The following ERC2 variants were observed in gnomAD, a reference collection of about 807,000 sequenced individuals.
The protein encoded by ERC2 is ELKS/RAB6-interacting/CAST family member 2.
A neutral mutation model predicts 114.8 loss-of-function variants in ERC2; 42 were observed. That is an observed-to-expected ratio of 0.37 (90% CI 0.29 to 0.47). The LOEUF (loss-of-function observed/expected upper bound fraction) is 0.47. ERC2 is among the 20% of genes least tolerant of loss of function. The probability of loss-of-function intolerance (pLI) is 0.99; values close to 1 mark genes in which losing one functional copy is unlikely to be tolerated. For missense variants in ERC2, 939 were observed against 1,150.7 expected, an observed-to-expected ratio of 0.82 and a Z score of 2.66; for synonymous variants, 454 against 425.5, an observed-to-expected ratio of 1.07 and a Z score of -0.82.
In ERC2 at chr3:56,434,441, C is replaced by G; in HGVS notation, c.567G>C (p.Glu189Asp). ...MNSIKTFWSP[E>D]LKKERVLRKE... ...TCCTCAAGACTCTCTCCTTCTTAAGCTCAGGACTCCAGAAAGTCTTAATAC... is the reference window on the plus strand; with the variant it reads ...TCCTCAAGACTCTCTCCTTCTTAAGGTCAGGACTCCAGAAAGTCTTAATAC... The change falls in exon 2 of 18, where the codon GAG becomes GAC. Residue 189 changes from glutamate to aspartate, a missense_variant. By Grantham distance (45) the Glu-to-Asp change is conservative. Transcript: ENST00000288221. 3 of 1,614,014 alleles carry G rather than the reference C, an allele frequency of 1.9e-6. No homozygotes were observed. The highest frequency in any genetic ancestry group is 2.5e-6 in the Non-Finnish European group (3 of 1,179,900).
intron 17 of ERC2, among the ~76,000 whole-genome samples, chr3:55,552,239 G>T (rs150811031): frequency 1.3e-5 from 2 of 152,086 alleles, no homozygotes; most frequent in South Asian, 2.1e-4. Context: ...CCCCAGCCAC[G>T]TCTGTTTATA....
intron 6 of ERC2, among the ~76,000 whole-genome samples, chr3:56,094,076 T>C (rs913046982): frequency 5.3e-5 from 8 of 152,198 alleles, no homozygotes; most frequent in African/African-American, 1.9e-4. Flanking sequence ...CACATCTATT[T>C]TTTCCCACCG....
intron 6 of ERC2, among the ~76,000 whole-genome samples, chr3:56,096,353 T>C (rs1389889962): frequency 6.6e-6 from 1 of 152,174 alleles, no homozygotes; most frequent in African/African-American, 2.4e-5. Context: ...CTCAGCATTT[T>C]TGAGACAGGG....
At chr3:56,372,692 C>T (rs1218253058) in intron 2 of ERC2, among the ~76,000 whole-genome samples, 2 of 152,028 alleles carry the variant, frequency 1.3e-5, no homozygotes, top group Non-Finnish European at 2.9e-5. Flanking sequence ...CACACCACTG[C>T]ACACCAGCCT....
intron 13 of ERC2, among the ~76,000 whole-genome samples, chr3:55,922,301 T>C (rs1156229401): frequency 6.6e-6 from 1 of 151,906 alleles, no homozygotes; most frequent in Non-Finnish European, 1.5e-5. Context: ...ATCATAAAGA[T>C]AGTAATTATG....
At chr3:55,930,320 A>C (rs941364314) in intron 13 of ERC2, among the ~76,000 whole-genome samples, 2 of 152,236 alleles carry the variant, frequency 1.3e-5, no homozygotes, top group Non-Finnish European at 2.9e-5. Flanking sequence ...AGACTAATAC[A>C]GAAAGTAAGG....
intron 17 of ERC2, among the ~76,000 whole-genome samples, chr3:55,582,013 C>G (rs1475731043): frequency 6.6e-6 from 1 of 152,212 alleles, no homozygotes; most frequent in African/African-American, 2.4e-5. Context: ...CAGTTATACA[C>G]AGGCTCTCAT....
At chr3:56,112,468 T>C (rs28488027) in intron 6 of ERC2, among the ~76,000 whole-genome samples, 2,017 of 140,178 alleles carry the variant, frequency 0.014, 35 homozygotes, top group African/African-American at 0.033. Flanking sequence ...CACACACACA[T>C]TGGCACACAC....
chr3:55,773,264 C>T (rs2068357611), intron 14 of ERC2, among the ~76,000 whole-genome samples: 1 of 152,202 alleles, frequency 6.6e-6, no homozygotes, highest in Non-Finnish European at 1.5e-5. Context: ...ACCTTAGGGC[C>T]TTTGCACTGG....
intron 3 of ERC2, among the ~76,000 whole-genome samples, chr3:56,254,477 T>G (rs909069228): frequency 6.6e-6 from 1 of 152,172 alleles, no homozygotes; most frequent in South Asian, 2.1e-4. Context: ...GATTCACTGT[T>G]AAGGAGGAGG....
chr3:55,952,032 G>A (rs529241968), intron 12 of ERC2, among the ~76,000 whole-genome samples: 8 of 150,810 alleles, frequency 5.3e-5, no homozygotes, highest in Non-Finnish European at 1.0e-4. Flanking sequence ...AGGGTGCAGC[G>A]GCTCATGCCT....
At chr3:56,411,204 G>GA (rs1263424390) in intron 2 of ERC2, among the ~76,000 whole-genome samples, 4 of 150,670 alleles carry the variant, frequency 2.7e-5, no homozygotes, top group Non-Finnish European at 3.0e-5. Context: ...AGAGGAAAGA[G>GA]AAAAAAAACT....
chr3:55,738,336 A>T (rs1314124580), intron 14 of ERC2, among the ~76,000 whole-genome samples: 1 of 152,194 alleles, frequency 6.6e-6, no homozygotes, highest in Non-Finnish European at 1.5e-5. Flanking sequence ...AGGTGACAGG[A>T]TGAATAAGAC....
intron 17 of ERC2, among the ~76,000 whole-genome samples, chr3:55,649,258 ATTTT>A (rs56806592): frequency 6.7e-5 from 8 of 119,194 alleles, no homozygotes; most frequent in Non-Finnish European, 7.2e-5. Context: ...CCAACGCTGA[ATTTT>A]TTTTTTTTTT....
At chr3:55,962,808 A>G (rs2149470595) in intron 12 of ERC2, among the ~76,000 whole-genome samples, 1 of 152,356 alleles carries the variant, frequency 6.6e-6, no homozygotes, top group South Asian at 2.1e-4. Context: ...ATGCTATGCC[A>G]ACCAACTGTG....
intron 17 of ERC2, among the ~76,000 whole-genome samples, chr3:55,612,379 A>G (rs9821770): frequency 0.039 from 6,009 of 152,210 alleles, 426 homozygotes; most frequent in African/African-American, 0.14. Context: ...ATAATCAACA[A>G]CTGAAGACTT....
chr3:56,299,821 T>A lies in ERC2; in HGVS notation c.658-3386A>T, dbSNP rs775139942. Among the ~76,000 whole-genome samples the A allele has an allele frequency of 9.8e-5, 15 of 152,306 alleles. 1 individual carries two copies. Among genetic ancestry groups the A allele is most frequent in the Non-Finnish European group, 1.9e-4 (13 of 68,026 alleles). Reference sequence around the variant, plus strand: ...ATCCAGGTTTATCTGGAGTCAAACATCATGAATTGGGATGATCACAAAGGA... The same window carrying A: ...ATCCAGGTTTATCTGGAGTCAAACAACATGAATTGGGATGATCACAAAGGA... On this transcript the variant is annotated intron_variant, in intron 2 of 17. Transcript: ENST00000288221.
At chr3:56,101,424 T>C (rs1356995530) in intron 6 of ERC2, among the ~76,000 whole-genome samples, 1 of 108,952 alleles carries the variant, frequency 9.2e-6, no homozygotes, top group African/African-American at 3.9e-5. Context: ...TTCATTCTAA[T>C]TCCTCTTTAA....
chr3:55,981,191 C>CT (rs2070106649), intron 12 of ERC2, among the ~76,000 whole-genome samples: 1 of 152,190 alleles, frequency 6.6e-6, no homozygotes, highest in Non-Finnish European at 1.5e-5. Context: ...GGGAAAACAA[C>CT]TTTTTTCCAT....
Sources: allele counts gnomAD v4.1 joint callset (sites outside exome capture counted in the v4.1 genomes callset), GRCh38; gene constraint gnomAD v4.1.1; transcripts MANE v1.5; gene names NCBI Gene and HGNC (gene_info 2026-07-23, HGNC 2026-07-21).